Variants in DLG2 observed in about 807,000 individuals in gnomAD.
DLG2 encodes discs large MAGUK scaffold protein 2, also known as disks large homolog 2.
A neutral mutation model predicts 132.5 loss-of-function variants in DLG2; 45 were observed. The observed-to-expected ratio is 0.34, with a 90% CI of 0.27 to 0.44. DLG2 has a LOEUF of 0.44. Ranked by LOEUF, DLG2 falls within the 20% of genes least tolerant of loss-of-function variation. DLG2 has a pLI of 1.00. For synonymous variants in DLG2, 424 were observed against 419.6 expected (o/e 1.01, Z -0.13); for missense variants, 1,045 against 1,196.9 (o/e 0.87, Z 1.87).
chr11:84,420,419 A>T (rs188263063), intron 7 of DLG2, among the ~76,000 whole-genome samples: 191 of 152,216 alleles, frequency 1.3e-3, no homozygotes, highest in African/African-American at 4.4e-3. Flanking sequence ...GTCACTGAGA[A>T]CCACAGGTCA....
At chr11:84,355,330 G>T (rs1309862132) in intron 7 of DLG2, among the ~76,000 whole-genome samples, 1 of 152,090 alleles carries the variant, frequency 6.6e-6, no homozygotes, top group African/African-American at 2.4e-5. Context: ...TTTATATGTT[G>T]AAATCCTAAC....
At chr11:84,408,551 G>A (rs561228180) in intron 7 of DLG2, among the ~76,000 whole-genome samples, 3 of 152,182 alleles carry the variant, frequency 2.0e-5, no homozygotes, top group Non-Finnish European at 2.9e-5. Flanking sequence ...AAAGTCAATC[G>A]GGGGTTATGG....
At chr11:84,453,820 G>A (rs757486073) in intron 7 of DLG2, among the ~76,000 whole-genome samples, 2 of 151,602 alleles carry the variant, frequency 1.3e-5, no homozygotes, top group African/African-American at 2.4e-5. Flanking sequence ...ACCACAAGTA[G>A]GGGCAGAATG....
intron 6 of DLG2, among the ~76,000 whole-genome samples, chr11:84,599,348 C>T (rs935480089): frequency 1.3e-5 from 2 of 152,150 alleles, no homozygotes; most frequent in African/African-American, 2.4e-5. Context: ...CATCCATAAG[C>T]GGTGCTCCCT....
intron 7 of DLG2, among the ~76,000 whole-genome samples, chr11:84,462,729 C>T (rs974299402): frequency 3.3e-5 from 5 of 151,080 alleles, no homozygotes; most frequent in Admixed American, 2.0e-4. Context: ...TCATCACTCA[C>T]GAGGGTTGAA....
In DLG2 at chr11:85,459,782, G is replaced by A. The variant is rs2153055002; in HGVS notation, c.40+138875C>T. ...CTGTCTCTGGGATTTCCTCCTCAGAGTAATGCTGAACCACCTGCAACTGAA... is the reference window on the plus strand; with the variant it reads ...CTGTCTCTGGGATTTCCTCCTCAGAATAATGCTGAACCACCTGCAACTGAA... On this transcript the variant is annotated intron_variant, in intron 3 of 27. Transcript: ENST00000376104. Among the ~76,000 whole-genome samples, 2 of 152,282 alleles carry A rather than the reference G, an allele frequency of 1.3e-5. 1 individual carries two copies. Among genetic ancestry groups the A allele is most frequent in the South Asian group, 4.1e-4 (2 of 4,830 alleles).
chr11:83,531,905 G>T (rs556647796), intron 21 of DLG2, among the ~76,000 whole-genome samples: 1 of 143,340 alleles, frequency 7.0e-6, no homozygotes, highest in African/African-American at 2.5e-5. Flanking sequence ...AGACCACATG[G>T]TGTATAATTT....
intron 10 of DLG2, among the ~76,000 whole-genome samples, chr11:84,059,892 A>G (rs2096563691): frequency 1.3e-5 from 2 of 152,240 alleles, no homozygotes; most frequent in Admixed American, 6.5e-5. Flanking sequence ...AACAAATACA[A>G]TTATTTACAG....
chr11:84,504,871 A>G (rs1364684905), intron 7 of DLG2, among the ~76,000 whole-genome samples: 1 of 152,138 alleles, frequency 6.6e-6, no homozygotes, highest in Non-Finnish European at 1.5e-5. Context: ...TGAATCATCT[A>G]TTTGCAAATA....
intron 7 of DLG2, among the ~76,000 whole-genome samples, chr11:84,376,376 G>A (rs2098728992): frequency 6.6e-6 from 1 of 151,874 alleles, no homozygotes; most frequent in South Asian, 2.1e-4. Context: ...TAAATTTTAG[G>A]AAAATCATTC....
Position 84,787,054 on chromosome 11 carries a change from T to G in DLG2, c.358-252323A>C, listed in dbSNP as rs1240225457. 4.6e-5 allele frequency among the ~76,000 whole-genome samples: 7 copies of G among 152,138 alleles called. No individual in the cohort carries two copies. In the South Asian group the frequency reaches 1.0e-3, roughly 23 times the overall value. On this transcript the variant is annotated intron_variant, in intron 6 of 27. Transcript: ENST00000376104. ...GCACTGAGATGTTCACTAATGAGAC[T>G]CAAAGAACCAACACAGGAGAAACAA... is the stretch of plus-strand genomic sequence containing the variant.
At chr11:85,403,690 T>C (rs1229906507) in intron 3 of DLG2, among the ~76,000 whole-genome samples, 1 of 150,832 alleles carries the variant, frequency 6.6e-6, no homozygotes, top group East Asian at 2.0e-4. Context: ...AAGGAGAGAG[T>C]GGAAACCAAC....
At chr11:83,694,170 A>G (rs1375188383) in intron 18 of DLG2, among the ~76,000 whole-genome samples, 1 of 152,224 alleles carries the variant, frequency 6.6e-6, no homozygotes, top group Non-Finnish European at 1.5e-5. Context: ...TGGGACTCTA[A>G]CTAAATCTCT....
chr11:85,278,396 G>C (rs938511709), intron 4 of DLG2, among the ~76,000 whole-genome samples: 4 of 152,178 alleles, frequency 2.6e-5, no homozygotes, highest in African/African-American at 9.7e-5. Flanking sequence ...GAGGTTGGGA[G>C]TTTGAGACCA....
intron 18 of DLG2, among the ~76,000 whole-genome samples, chr11:83,689,127 G>T (rs1010884406): frequency 1.3e-5 from 2 of 152,084 alleles, no homozygotes; most frequent in African/African-American, 2.4e-5. Flanking sequence ...TTTCATTAAG[G>T]TGCTATAGAG....
chr11:84,923,055 T>G lies in DLG2; in HGVS notation c.357+188606A>C, dbSNP rs199509186. The G allele has an allele frequency of 2.8e-4, 444 of 1,613,754 alleles. 3 individuals carry two copies. Among genetic ancestry groups the G allele is most frequent in the Non-Finnish European group, 5.9e-5 (70 of 1,179,870 alleles). On this transcript the variant is annotated intron_variant, in intron 6 of 27. Transcript: ENST00000376104. ...GGTTTAACATGTATATTGTGCCCAG[T>G]TGCCGGCTCGCCTCCTCTTACCTTC... is the stretch of plus-strand genomic sequence containing the variant.
At chr11:83,674,450 A>G (rs1196589896) in intron 18 of DLG2, among the ~76,000 whole-genome samples, 1 of 152,196 alleles carries the variant, frequency 6.6e-6, no homozygotes, top group Non-Finnish European at 1.5e-5. Flanking sequence ...AAACAAGACA[A>G]AGAAGATTTT....
chr11:83,485,349 G>C (rs1370229507), intron 21 of DLG2, among the ~76,000 whole-genome samples: 1 of 152,142 alleles, frequency 6.6e-6, no homozygotes, highest in Admixed American at 6.6e-5. Context: ...TTTGGGAAAT[G>C]TGTTGACAGT....
intron 7 of DLG2, among the ~76,000 whole-genome samples, chr11:84,323,966 A>G (rs2098418427): frequency 6.6e-6 from 1 of 151,958 alleles, no homozygotes; most frequent in Non-Finnish European, 1.5e-5. Context: ...TTAAGCCCTT[A>G]TCAAGTATAT....
Sources: gnomAD v4.1 joint callset for allele counts (sites outside exome capture counted in the v4.1 genomes callset) on GRCh38, gnomAD v4.1.1 for gene constraint, MANE v1.5 for transcripts, NCBI Gene and HGNC (gene_info 2026-07-23, HGNC 2026-07-21) for gene names.